Variants in ZNF235 observed in about 807,000 individuals in gnomAD.
The protein encoded by ZNF235 is zfp-93.
Under a neutral mutation model 29.4 loss-of-function variants are expected in ZNF235, and 25 were observed. That is an observed-to-expected ratio of 0.85 (90% confidence interval 0.62 to 1.19). The LOEUF (loss-of-function observed/expected upper bound fraction) is 1.19, where lower values mean the gene tolerates loss of function less well. ZNF235 is among the 50% of genes most tolerant of loss of function. ZNF235 has a pLI of 0.00. For missense variants in ZNF235, 788 were observed against 885.0 expected (o/e 0.89, Z 1.39); for synonymous variants, 300 against 295.3 (o/e 1.02, Z -0.16).
chr19:44,290,243 T>G (rs1391755613), intron 4 of ZNF235: 1 of 152,900 alleles, frequency 6.5e-6, no homozygotes, highest in Non-Finnish European at 1.5e-5. Flanking sequence ...CCTTATACGC[T>G]GCTCAAAGAC....
intron 4 of ZNF235, chr19:44,290,399 C>G (rs1344425055): frequency 1.3e-5 from 2 of 152,316 alleles, no homozygotes; most frequent in Non-Finnish European, 2.9e-5. Context: ...ACCAGCTCCA[C>G]AGAGGCTGGA....
In ZNF235 at chr19:44,305,024, C is replaced by T. The variant is rs937268465; in HGVS notation, c.-102G>A. The stretch of plus-strand genomic sequence containing the variant: ...TCGCCTTCCTGGAGCGGAAGTGCCT[C>T]CGAGTGCCCACGGTTCGTGGACTCC... On this transcript the variant is annotated 5_prime_UTR_variant, in exon 1 of 5. Transcript: ENST00000291182. 60 of 821,338 alleles carry T rather than the reference C, an allele frequency of 7.3e-5. No individual in the cohort carries two copies. The highest frequency in any genetic ancestry group is 7.9e-5 in the Non-Finnish European group (54 of 680,204). 50.9% of individuals were successfully genotyped at this position (821,338 alleles called of 1,614,324 possible). A position where few individuals can be genotyped will look rare whatever the true frequency, so the allele number is the denominator to read the frequency against.
At chr19:44,296,248 C>T (rs1975652787) in intron 4 of ZNF235, among the ~76,000 whole-genome samples, 2 of 152,110 alleles carry the variant, frequency 1.3e-5, no homozygotes. Context: ...ACAGGAACAG[C>T]AGAAAGTTGA....
chr19:44,295,299 G>C (rs1238809231), intron 4 of ZNF235, among the ~76,000 whole-genome samples: 1 of 151,900 alleles, frequency 6.6e-6, no homozygotes, highest in Admixed American at 6.6e-5. Context: ...CGACAATAAT[G>C]ATCAGGCTAA....
At chr19:44,297,687 T>C (rs1286549008) in intron 4 of ZNF235, among the ~76,000 whole-genome samples, 7 of 152,092 alleles carry the variant, frequency 4.6e-5, no homozygotes, top group Non-Finnish European at 1.0e-4. Flanking sequence ...GGTCTCGAAC[T>C]CCCGACCTCA....
Position 44,287,517 on chromosome 19 carries a change from A to C in ZNF235, c.1918T>G (p.Ser640Ala), listed in dbSNP as rs1975505203. 6.2e-7 allele frequency: 1 copy of C among 1,613,724 alleles called. No homozygotes were observed. The highest frequency in any genetic ancestry group is 8.5e-7 in the Non-Finnish European group (1 of 1,179,960). ...DTCGKAFSQR[S>A]NLQVHQIIHT... ...ATTATCTGATGGACTTGAAGATTTG[A>C]CCTCTGGCTGAAGGCCTTACCACAA... is the stretch of plus-strand genomic sequence containing the variant. Residue 640 changes from serine (S) to alanine (A), a missense_variant, in exon 5 of 5, where the codon TCA becomes GCA. Transcript: ENST00000291182.
At position 44,301,722 on chromosome 19, in the gene ZNF235, C is replaced by T. The variant is rs564886645; in HGVS notation, c.15+1668G>A. 2.0e-5 allele frequency among the ~76,000 whole-genome samples: 3 copies of T among 152,278 alleles called. No individual in the cohort carries two copies. In the South Asian group the frequency reaches 6.2e-4, roughly 32 times the overall value. On this transcript the variant is annotated intron_variant, in intron 2 of 4. Coordinates refer to ENST00000291182, the MANE Select transcript of ZNF235 (RefSeq NM_004234.4). ...CTGACCTCAAGTGATCCACCTCAGC[C>T]CCAAAGTGCTGGGATTACAGGTGAG... is the stretch of plus-strand genomic sequence containing the variant.
chr19:44,293,441 T>C (rs1975611831), intron 4 of ZNF235, among the ~76,000 whole-genome samples: 2 of 151,842 alleles, frequency 1.3e-5, no homozygotes, highest in African/African-American at 4.8e-5. Context: ...ACAAATATTA[T>C]TAGACCTAAA....
At chr19:44,291,507 TTAA>T (rs1281425337) in intron 4 of ZNF235, among the ~76,000 whole-genome samples, 9 of 152,058 alleles carry the variant, frequency 5.9e-5, no homozygotes, top group African/African-American at 1.7e-4. Flanking sequence ...AACAATAAAA[TTAA>T]TAAACTCTAG....
At chr19:44,294,600 TAA>T (rs1338105013) in intron 4 of ZNF235, among the ~76,000 whole-genome samples, 7 of 152,054 alleles carry the variant, frequency 4.6e-5, no homozygotes, top group Admixed American at 1.3e-4. Flanking sequence ...CAAAGTCAGA[TAA>T]AGACACAACA....
chr19:44,288,583 T>C lies in ZNF235; in HGVS notation c.852A>G (p.Val284=). 1.9e-6 allele frequency: 3 copies of C among 1,614,154 alleles called. No individual in the cohort carries two copies. Among genetic ancestry groups the C allele is most frequent in the Non-Finnish European group, 2.5e-6 (3 of 1,179,996 alleles). ...DSSSLELHKQ[V]HLGKKSPACS... ...ACGCTGGAGACTTCTTTCCCAAGTG[T>C]ACCTGTTTATGAAGTTCAAGACTGG... The change falls in exon 5 of 5, where the codon GTA becomes GTG. Residue 284 remains valine (V), a synonymous_variant. Coordinates refer to ENST00000291182, the MANE Select transcript of ZNF235 (RefSeq NM_004234.4).
intron 2 of ZNF235, among the ~76,000 whole-genome samples, chr19:44,302,956 A>AT (rs1568647528): frequency 3.7e-5 from 5 of 136,262 alleles, no homozygotes; most frequent in Non-Finnish European, 7.7e-5. Flanking sequence ...TTGTATATAT[A>AT]AATATATACG....
rs140239695 is a variant in ZNF235, at chr19:44,289,511, G to T, written c.239-315C>A. ...TACACAACTCCAAAGTGAATGCTTT[G>T]TCCAGATGTTTCCAAATTTTACACA... On this transcript the variant is annotated intron_variant, in intron 4 of 4. Coordinates refer to ENST00000291182, the MANE Select transcript of ZNF235 (RefSeq NM_004234.4). 835 of 209,260 alleles carry T rather than the reference G, an allele frequency of 4.0e-3. 1 individual carries two copies. The highest frequency in any genetic ancestry group is 0.014 in the Middle Eastern group (8 of 576). 13.0% of individuals were successfully genotyped at this position (209,260 alleles called of 1,614,324 possible). A position where few individuals can be genotyped will look rare whatever the true frequency, so the allele number is the denominator to read the frequency against.
chr19:44,301,619 C>A (rs911540567), intron 2 of ZNF235, among the ~76,000 whole-genome samples: 1 of 152,062 alleles, frequency 6.6e-6, no homozygotes, highest in African/African-American at 2.4e-5. Context: ...TACAGGTGTG[C>A]GCCACCACGC....
chr19:44,303,803 A>C (rs982280834), intron 1 of ZNF235, among the ~76,000 whole-genome samples: 1 of 152,222 alleles, frequency 6.6e-6, no homozygotes, highest in Non-Finnish European at 1.5e-5. Flanking sequence ...ACTGATCAGC[A>C]GTATAAACCT....
Position 44,287,951 on chromosome 19 carries a change from C to A in ZNF235, c.1484G>T (p.Gly495Val). Reference sequence around the variant, plus strand: ...CTGGAAACTTGAGGCTGAACTAAAACCCTTACCACACTCTTCACATTTATA... The same window carrying A: ...CTGGAAACTTGAGGCTGAACTAAAAACCTTACCACACTCTTCACATTTATA... Reference protein sequence around the residue: ...KPYKCEECGKGFSSASSFQSH... With the variant: ...KPYKCEECGKVFSSASSFQSH... The change falls in exon 5 of 5, where the codon GGT (glycine) becomes GTT (valine). Residue 495 changes from glycine (G) to valine (V), a missense_variant. Gly to Val is a moderately radical substitution (Grantham distance 109, BLOSUM62 -3). Transcript: ENST00000291182. 6.2e-7 allele frequency: 1 copy of A among 1,614,140 alleles called. No homozygotes were observed. Among genetic ancestry groups the A allele is most frequent in the Non-Finnish European group, 8.5e-7 (1 of 1,180,004 alleles).
intron 2 of ZNF235, among the ~76,000 whole-genome samples, chr19:44,301,876 G>T (rs529101278): frequency 2.0e-5 from 3 of 152,156 alleles, no homozygotes; most frequent in Admixed American, 6.5e-5. Context: ...GTCTCTTTAT[G>T]TTTAAAATAC....
rs759198062 is a variant in ZNF235 at position 44,287,744 on chromosome 19, ACT to A, written c.1689_1690del (p.Arg563SerfsTer11). ...TTTGTAGGGTTTCTCTCCGGTGTGG[ACT>A]CTCTGATGATTGTGAAGATTCAAGC... On this transcript the variant is annotated frameshift_variant, in exon 5 of 5. Transcript: ENST00000291182. LOFTEE classifies it high-confidence loss of function. 4 of 1,613,804 alleles carry A rather than the reference ACT, an allele frequency of 2.5e-6. No individual in the cohort carries two copies. The South Asian group carries it at 3.3e-5, about 13-fold the overall frequency.
rs762248822 is a variant in ZNF235 at position 44,298,871 on chromosome 19, G to A, written c.175C>T (p.Gln59Ter). Residue 59 changes from glutamine (Q) to a stop codon, truncating the protein, a stop_gained, in exon 4 of 5, where the codon CAG becomes TAG. Coordinates refer to ENST00000291182, the MANE Select transcript of ZNF235 (RefSeq NM_004234.4). LOFTEE classifies it high-confidence loss of function. ...HQSFKPDMISQLEREEKLWMK... is the reference protein window; with the variant it reads ...HQSFKPDMIS ...CAAAGCTTTTCTTCCCTCTCCAACT[G>A]GGATATCATATCTGGTTTGAAGGAC... is the stretch of plus-strand genomic sequence containing the variant. 3.1e-6 allele frequency: 5 copies of A among 1,613,834 alleles called. No homozygotes were observed. The highest frequency in any genetic ancestry group is 1.7e-6 in the Non-Finnish European group (2 of 1,179,820).
Sources: gnomAD v4.1 joint callset for allele counts (sites outside exome capture counted in the v4.1 genomes callset) on GRCh38, gnomAD v4.1.1 for gene constraint, MANE v1.5 for transcripts, NCBI Gene and HGNC (gene_info 2026-07-23, HGNC 2026-07-21) for gene names.